TMEM131: variants seen among roughly 807,000 people sequenced by gnomAD.
TMEM131 encodes transmembrane protein 131.
Under a neutral mutation model 211.6 loss-of-function variants are expected in TMEM131, and 66 were observed. The ratio of observed to expected loss-of-function variants is 0.31; its 90% CI spans 0.26 to 0.38. The LOEUF (loss-of-function observed/expected upper bound fraction) is 0.38. TMEM131 is among the 10% of genes least tolerant of loss of function. The pLI, the probability that TMEM131 is intolerant of heterozygous loss-of-function variation, is 1.00. For synonymous variants in TMEM131, 844 were observed against 841.3 expected (o/e 1.00, Z -0.06); for missense variants, 2,036 against 2,299.3 (o/e 0.89, Z 2.34).
chr2:97,873,140 A>C (rs1476155527), intron 4 of TMEM131, among the ~76,000 whole-genome samples: 1 of 152,188 alleles, frequency 6.6e-6, no homozygotes, highest in Non-Finnish European at 1.5e-5. Context: ...GTCACGGGGA[A>C]GTTCGAACTG....
intron 12 of TMEM131, among the ~76,000 whole-genome samples, chr2:97,815,907 A>G (rs1318012886): frequency 6.6e-6 from 1 of 152,234 alleles, no homozygotes; most frequent in Non-Finnish European, 1.5e-5. Flanking sequence ...TGGTATAAGA[A>G]AAGTCAAGAA....
intron 1 of TMEM131, among the ~76,000 whole-genome samples, chr2:97,978,330 T>C (rs765396101): frequency 6.6e-6 from 1 of 152,150 alleles, no homozygotes; most frequent in Non-Finnish European, 1.5e-5. Context: ...CAGGAGCAGA[T>C]TTCATCTCAA....
chr2:97,781,871 TGCAGGAAAGGG>T (rs1680022059), intron 31 of TMEM131, among the ~76,000 whole-genome samples: 1 of 152,058 alleles, frequency 6.6e-6, no homozygotes, highest in Admixed American at 6.5e-5. Context: ...TTGCCAAAGG[TGCAGGAAAGGG>T]GCAGCCCAGC....
Position 97,859,188 on chromosome 2 carries a change from G to C in TMEM131, c.483+116C>G. 3 of 1,127,604 alleles carry C rather than the reference G, an allele frequency of 2.7e-6. No homozygotes were observed. The Middle Eastern group carries it at 7.9e-4, about 297-fold the overall frequency. 69.8% of individuals were successfully genotyped at this position (1,127,604 alleles called of 1,614,324 possible). On this transcript the variant is annotated intron_variant, in intron 5 of 40. Coordinates refer to ENST00000186436, the MANE Select transcript of TMEM131 (RefSeq NM_015348.2). Reference sequence around the variant, plus strand: ...ATTCTTAGGAAGTGAAACAAATCTAGGAACAGATTTGAAATATTCAAACCC... The same window carrying C: ...ATTCTTAGGAAGTGAAACAAATCTACGAACAGATTTGAAATATTCAAACCC...
intron 4 of TMEM131, among the ~76,000 whole-genome samples, chr2:97,870,349 T>C (rs1445449597): frequency 6.6e-6 from 1 of 152,194 alleles, no homozygotes; most frequent in Non-Finnish European, 1.5e-5. Flanking sequence ...ACTACTTGGC[T>C]GAACAGGTAA....
intron 1 of TMEM131, among the ~76,000 whole-genome samples, chr2:97,965,538 C>G (rs1001326115): frequency 2.6e-5 from 4 of 152,130 alleles, no homozygotes; most frequent in African/African-American, 4.8e-5. Flanking sequence ...GCATAGATTA[C>G]CTGGCACATA....
chr2:97,959,875 C>T (rs1678741596), intron 1 of TMEM131, among the ~76,000 whole-genome samples: 1 of 152,122 alleles, frequency 6.6e-6, no homozygotes, highest in Admixed American at 6.5e-5. Flanking sequence ...TTACAACAGT[C>T]CCCCTCAAAA....
chr2:97,859,377 G>A lies in TMEM131; in HGVS notation c.410C>T (p.Ser137Phe). 6.3e-7 allele frequency: 1 copy of A among 1,598,624 alleles called. No homozygotes were observed. The highest frequency in any genetic ancestry group is 8.5e-7 in the Non-Finnish European group (1 of 1,175,416). The change falls in exon 5 of 41, where the codon TCT becomes TTT. Residue 137 changes from serine (S) to phenylalanine (F), a missense_variant. Ser to Phe is a radical substitution (Grantham distance 155). Coordinates refer to ENST00000186436, the MANE Select transcript of TMEM131 (RefSeq NM_015348.2). ...TGATACTAAAGTAATCGTTTCTTCA[G>A]AACTAGGATTATGTAAGTAGACTTT... ...MEKVYLHNPS[S>F]EETITLVSIS...
chr2:97,974,940 A>G lies in TMEM131; in HGVS notation c.187+20536T>C, dbSNP rs952945071. Among the ~76,000 whole-genome samples, 10 of 152,216 alleles carry G rather than the reference A, an allele frequency of 6.6e-5. 1 individual carries two copies. Among genetic ancestry groups the G allele is most frequent in the Admixed American group, 5.9e-4 (9 of 15,276 alleles). On this transcript the variant is annotated intron_variant, in intron 1 of 40. Transcript: ENST00000186436. ...AAGCAGGCAAAAAATCAGCAAGAAA[A>G]TGGTGAACTTGAACAGCACTACAAC...
chr2:97,918,069 G>A (rs1559446581), intron 2 of TMEM131, among the ~76,000 whole-genome samples: 2 of 151,514 alleles, frequency 1.3e-5, no homozygotes, highest in African/African-American at 2.4e-5. Flanking sequence ...TCAGCCTCCC[G>A]AGTAGCTGGG....
chr2:97,984,719 A>G (rs1171890301), intron 1 of TMEM131, among the ~76,000 whole-genome samples: 1 of 150,328 alleles, frequency 6.7e-6, no homozygotes, highest in Non-Finnish European at 1.5e-5. Flanking sequence ...ATATAATGAT[A>G]TATTACTATA....
chr2:97,836,539 A>G (rs143734508), intron 8 of TMEM131, among the ~76,000 whole-genome samples: 1 of 152,332 alleles, frequency 6.6e-6, no homozygotes, highest in African/African-American at 2.4e-5. Context: ...AATTTGGTTA[A>G]TATTGTTAAA....
chr2:97,991,374 C>T (rs1680259035), intron 1 of TMEM131, among the ~76,000 whole-genome samples: 1 of 152,186 alleles, frequency 6.6e-6, no homozygotes, highest in South Asian at 2.1e-4. Flanking sequence ...GAGGCTGCTG[C>T]AGTGCCCCAT....
chr2:97,974,330 C>T (rs1254856916), intron 1 of TMEM131, among the ~76,000 whole-genome samples: 1 of 151,994 alleles, frequency 6.6e-6, no homozygotes, highest in Non-Finnish European at 1.5e-5. Context: ...CTAAACAGTG[C>T]AATGTGCTGT....
At chr2:97,865,349 T>C (rs1674229763) in intron 4 of TMEM131, among the ~76,000 whole-genome samples, 1 of 152,242 alleles carries the variant, frequency 6.6e-6, no homozygotes, top group South Asian at 2.1e-4. Context: ...ATAGATCTCC[T>C]TGTGTTGTTC....
chr2:97,938,768 A>G (rs577041777), intron 1 of TMEM131, among the ~76,000 whole-genome samples: 366 of 152,342 alleles, frequency 2.4e-3, no homozygotes, highest in Admixed American at 7.2e-3. Flanking sequence ...AATTGACCAC[A>G]TAGTTGGAAG....
At chr2:97,855,594 G>C (rs900158353) in intron 5 of TMEM131, among the ~76,000 whole-genome samples, 1 of 151,964 alleles carries the variant, frequency 6.6e-6, no homozygotes, top group East Asian at 1.9e-4. Context: ...CCAGCTACTG[G>C]GGAAGCTGAG....
At chr2:97,827,091 A>T (rs13019318) in intron 11 of TMEM131, among the ~76,000 whole-genome samples, 4 of 137,236 alleles carry the variant, frequency 2.9e-5, no homozygotes, top group Non-Finnish European at 6.4e-5. Flanking sequence ...AAAAAAAAAA[A>T]TTTTAAAATC....
At chr2:97,966,808 CAT>C (rs1329779181) in intron 1 of TMEM131, among the ~76,000 whole-genome samples, 5 of 152,278 alleles carry the variant, frequency 3.3e-5, no homozygotes, top group South Asian at 2.1e-4. Context: ...GAAGCTGACA[CAT>C]GAGGACTAGT....
Sources: gnomAD v4.1 joint callset for allele counts (sites outside exome capture counted in the v4.1 genomes callset) on GRCh38, gnomAD v4.1.1 for gene constraint, MANE v1.5 for transcripts, NCBI Gene and HGNC (gene_info 2026-07-23, HGNC 2026-07-21) for gene names.